GFRA2: variants seen among roughly 807,000 people sequenced by gnomAD.
GFRA2 encodes GDNF family receptor alpha-2.
Under a neutral mutation model 48.3 loss-of-function variants are expected in GFRA2, and 17 were observed. The ratio of observed to expected loss-of-function variants is 0.35; its 90% CI spans 0.24 to 0.53. The LOEUF (loss-of-function observed/expected upper bound fraction) is 0.53, where lower values mean the gene tolerates loss of function less well. Ranked by LOEUF, GFRA2 falls within the 20% of genes least tolerant of loss-of-function variation. The probability of loss-of-function intolerance (pLI) is 0.93; values close to 1 mark genes in which losing one functional copy is unlikely to be tolerated. For synonymous variants in GFRA2, 305 were observed against 257.2 expected (o/e 1.19, Z -1.78); for missense variants, 660 against 637.3 (o/e 1.04, Z -0.38).
At chr8:21,718,234 G>A (rs962349071) in intron 4 of GFRA2, among the ~76,000 whole-genome samples, 9 of 152,114 alleles carry the variant, frequency 5.9e-5, no homozygotes, top group African/African-American at 2.2e-4. Flanking sequence ...AGATCTGATG[G>A]TTATTATTAG....
chr8:21,772,923 G>T (rs1806507407), intron 3 of GFRA2, among the ~76,000 whole-genome samples: 3 of 152,210 alleles, frequency 2.0e-5, no homozygotes, highest in Admixed American at 1.3e-4. Context: ...TTTATTACTG[G>T]AGGGCAGCCC....
At chr8:21,795,398 A>AT (rs199591177) in intron 2 of GFRA2, among the ~76,000 whole-genome samples, 2,512 of 122,460 alleles carry the variant, frequency 0.021, 61 homozygotes, top group East Asian at 0.13. Context: ...TTATTTATTT[A>AT]TTTTTTTTAT....
At chr8:21,799,826 C>T (rs1002188905) in intron 2 of GFRA2, among the ~76,000 whole-genome samples, 2 of 152,172 alleles carry the variant, frequency 1.3e-5, no homozygotes, top group African/African-American at 2.4e-5. Context: ...AGGGCTCCCC[C>T]AACAAGAAGC....
In GFRA2 at chr8:21,805,428, C is replaced by T. The variant is rs530705544; in HGVS notation, c.-147-300G>A. 1.1e-4 allele frequency among the ~76,000 whole-genome samples: 16 copies of T among 152,308 alleles called. No homozygotes were observed. In the South Asian group the frequency reaches 2.1e-3, roughly 20 times the overall value. On this transcript the variant is annotated intron_variant, in intron 1 of 10. Transcript: ENST00000517328. ...CACAGTTCAGGAAGAGCTGAAGCAG[C>T]GACTGAGTACTTACCAATTACAGGG...
intron 1 of GFRA2, chr8:21,784,451 C>T (rs1807167058): frequency 7.2e-6 from 3 of 413,844 alleles, no homozygotes; most frequent in South Asian, 5.1e-5. Context: ...CCCATCCCTA[C>T]CCAGAACAGC....
At chr8:21,724,540 T>C (rs1041547091) in intron 4 of GFRA2, among the ~76,000 whole-genome samples, 5 of 152,130 alleles carry the variant, frequency 3.3e-5, no homozygotes, top group South Asian at 2.1e-4. Context: ...ATAAAAACAC[T>C]GCTGGAAGGC....
At chr8:21,696,358 T>A (rs979369995) in intron 7 of GFRA2, among the ~76,000 whole-genome samples, 3 of 152,104 alleles carry the variant, frequency 2.0e-5, no homozygotes, top group Admixed American at 2.0e-4. Flanking sequence ...GTCTTAGCTG[T>A]TTTGTATATT....
In GFRA2 at chr8:21,693,173, T is replaced by A. The variant is rs1801953675; in HGVS notation, c.*105A>T. ...TCAGCGACAAGGTGGGAAAAACAAT[T>A]TTTTTTTTGCAAGGTGTGTGTGTGT... On this transcript the variant is annotated 3_prime_UTR_variant, in exon 9 of 9. Coordinates refer to ENST00000524240, the MANE Select transcript of GFRA2 (RefSeq NM_001495.5). 1 of 1,154,590 alleles carries A rather than the reference T, an allele frequency of 8.7e-7. No homozygotes were observed. The highest frequency in any genetic ancestry group is 3.4e-5 in the Admixed American group (1 of 29,752). 71.5% of individuals were successfully genotyped at this position (1,154,590 alleles called of 1,614,324 possible).
intron 7 of GFRA2, among the ~76,000 whole-genome samples, chr8:21,695,344 G>A (rs1802109343): frequency 6.6e-6 from 1 of 152,108 alleles, no homozygotes; most frequent in Non-Finnish European, 1.5e-5. Flanking sequence ...TTGTTCCCAG[G>A]GCACTTCCAG....
chr8:21,705,705 G>C (rs1446312476), intron 5 of GFRA2, among the ~76,000 whole-genome samples: 1 of 152,230 alleles, frequency 6.6e-6, no homozygotes, highest in Non-Finnish European at 1.5e-5. Flanking sequence ...AAAAGCTTTA[G>C]GAGGCCCCTG....
At chr8:21,694,362 T>C in intron 8 of GFRA2, 102 bp downstream of exon 8, 2 of 1,073,784 alleles carry the variant, frequency 1.9e-6, no homozygotes, top group East Asian at 2.7e-5. Flanking sequence ...GCCCAGCCCA[T>C]GCGATGAGAT....
chr8:21,779,280 A>C (rs76745140), intron 2 of GFRA2, among the ~76,000 whole-genome samples: 3 of 152,226 alleles, frequency 2.0e-5, no homozygotes, highest in Non-Finnish European at 2.9e-5. Context: ...ACACAGCAGC[A>C]TGCAGCTAAA....
intron 2 of GFRA2, among the ~76,000 whole-genome samples, chr8:21,778,028 A>G (rs1281977365): frequency 6.6e-6 from 1 of 152,206 alleles, no homozygotes; most frequent in African/African-American, 2.4e-5. Flanking sequence ...CCTTGACTGC[A>G]TACTGAGAGC....
At chr8:21,752,564 T>C (rs1055197497) in intron 3 of GFRA2, among the ~76,000 whole-genome samples, 4 of 152,092 alleles carry the variant, frequency 2.6e-5, no homozygotes, top group Non-Finnish European at 4.4e-5. Flanking sequence ...ACTCATCTCA[T>C]GGCCTGAAAC....
At chr8:21,769,969 A>T (rs2117687029) in intron 3 of GFRA2, among the ~76,000 whole-genome samples, 1 of 152,338 alleles carries the variant, frequency 6.6e-6, no homozygotes, top group African/African-American at 2.4e-5. Context: ...CCCCAGATGC[A>T]TGCTGGCCAA....
At chr8:21,751,067 T>C in intron 3 of GFRA2, 125 bp from the exon 4 acceptor site, 1 of 699,366 alleles carries the variant, frequency 1.4e-6, no homozygotes, top group Non-Finnish European at 2.4e-6. Context: ...GTGCCTCAGT[T>C]TCCCCCTTTG....
chr8:21,756,791 G>C (rs562299871), intron 3 of GFRA2, among the ~76,000 whole-genome samples: 2 of 152,090 alleles, frequency 1.3e-5, no homozygotes, highest in Non-Finnish European at 2.9e-5. Flanking sequence ...TCCCTGCCCC[G>C]ATCCCCTGCA....
chr8:21,733,736 T>C (rs1804312522), intron 4 of GFRA2, among the ~76,000 whole-genome samples: 1 of 152,188 alleles, frequency 6.6e-6, no homozygotes, highest in Admixed American at 6.5e-5. Flanking sequence ...CCCAACTTTA[T>C]GACTATTGAT....
intron 3 of GFRA2, among the ~76,000 whole-genome samples, chr8:21,764,606 C>A (rs980324413): frequency 1.3e-5 from 2 of 152,262 alleles, no homozygotes; most frequent in Non-Finnish European, 2.9e-5. Context: ...AAGGACCCAG[C>A]TCCAGCCTCG....
Sources: allele counts gnomAD v4.1 joint callset (sites outside exome capture counted in the v4.1 genomes callset), GRCh38; gene constraint gnomAD v4.1.1; transcripts MANE v1.5; gene names NCBI Gene and HGNC (gene_info 2026-07-23, HGNC 2026-07-21).